PIK3C2G: variants seen among roughly 807,000 people sequenced by gnomAD.
The protein encoded by PIK3C2G is phosphatidylinositol 3-kinase C2 domain-containing subunit gamma.
PIK3C2G carries 168 observed loss-of-function variants against 181.1 expected under a neutral mutation model. That is an observed-to-expected ratio of 0.93 (90% CI 0.82 to 1.05). The LOEUF (loss-of-function observed/expected upper bound fraction) is 1.05. Among genes scored for constraint, PIK3C2G ranks in the 50% least tolerant of loss-of-function variants. PIK3C2G has a pLI of 0.00. For missense variants in PIK3C2G, 1,869 were observed against 1,732.8 expected (o/e 1.08, Z -1.40); for synonymous variants, 573 against 592.2 (o/e 0.97, Z 0.47).
chr12:18,607,253 A>C, intron 30 of PIK3C2G: 1 of 486,164 alleles, frequency 2.1e-6, no homozygotes, highest in South Asian at 1.5e-5. Flanking sequence ...AAACTACTAG[A>C]AAGAAATAGT....
At chr12:18,578,970 C>T (rs538060074) in intron 29 of PIK3C2G, among the ~76,000 whole-genome samples, 39 of 152,080 alleles carry the variant, frequency 2.6e-4, no homozygotes, top group Admixed American at 5.2e-4. Context: ...AGTCTTATGA[C>T]AACATAGGAA....
At chr12:18,491,345 C>A in intron 19 of PIK3C2G, 106 bp from the exon 20 acceptor site, 1 of 642,178 alleles carries the variant, frequency 1.6e-6, no homozygotes, top group Non-Finnish European at 2.7e-6. Flanking sequence ...AAGTGTGTAA[C>A]CCTGAATTCA....
At chr12:18,566,132 T>C (rs752676979) in intron 28 of PIK3C2G, among the ~76,000 whole-genome samples, 4 of 152,194 alleles carry the variant, frequency 2.6e-5, no homozygotes, top group Non-Finnish European at 4.4e-5. Flanking sequence ...TTTCCTGACA[T>C]TTCCAACAGT....
chr12:18,691,775 G>A, the PIK3C2G span, among the ~76,000 whole-genome samples: 3 of 152,092 alleles, frequency 2.0e-5, no homozygotes, highest in African/African-American at 7.2e-5. Context: ...AGTGTTGTAG[G>A]CAATTGCTGC....
intron 15 of PIK3C2G, among the ~76,000 whole-genome samples, chr12:18,393,695 A>G (rs1362417819): frequency 6.6e-6 from 1 of 152,128 alleles, no homozygotes; most frequent in African/African-American, 2.4e-5. Flanking sequence ...AATTATGACA[A>G]GAGAAAAATA....
chr12:18,455,559 G>A (rs1054590721), intron 18 of PIK3C2G, among the ~76,000 whole-genome samples: 1 of 152,066 alleles, frequency 6.6e-6, no homozygotes, highest in Non-Finnish European at 1.5e-5. Flanking sequence ...CATAAACCAA[G>A]TGGCTTATAA....
chr12:18,334,416 C>A (rs1430250737), intron 8 of PIK3C2G, among the ~76,000 whole-genome samples: 2 of 152,076 alleles, frequency 1.3e-5, no homozygotes, highest in African/African-American at 4.8e-5. Context: ...CCATCAAATA[C>A]TTGAAATGGT....
At position 18,289,997 on chromosome 12, in the gene PIK3C2G, C is replaced by G. The variant is rs549386886; in HGVS notation, c.762-858C>G. On this transcript the variant is annotated intron_variant, in intron 3 of 32. Coordinates refer to ENST00000538779, the MANE Select transcript of PIK3C2G (RefSeq NM_001288772.2). ...GCATAAAACACTGATCACAGGGAAT[C>G]AAGCTATGGTAACATATAATGACAA... Among the ~76,000 whole-genome samples, 26 of 152,250 alleles carry G rather than the reference C, an allele frequency of 1.7e-4. 1 individual carries two copies. The South Asian group carries it at 5.4e-3, about 32-fold the overall frequency.
chr12:18,488,728 T>A, intron 19 of PIK3C2G, 99 bp downstream of exon 19: 1 of 692,492 alleles, frequency 1.4e-6, no homozygotes, highest in Middle Eastern at 3.0e-4. Flanking sequence ...TTGATTACAC[T>A]TAAATAGAAG....
intron 1 of PIK3C2G, among the ~76,000 whole-genome samples, chr12:18,253,850 TA>T (rs1437223263): frequency 9.0e-6 from 1 of 111,342 alleles, no homozygotes; most frequent in African/African-American, 3.0e-5. Context: ...TGGCTTCAAT[TA>T]TTTTTTTTTT....
chr12:18,560,986 A>G (rs1945314618), intron 26 of PIK3C2G, among the ~76,000 whole-genome samples: 1 of 152,218 alleles, frequency 6.6e-6, no homozygotes, highest in African/African-American at 2.4e-5. Context: ...GAATAGCTTT[A>G]TGGCACTCAA....
chr12:18,511,198 C>T (rs561334362), intron 24 of PIK3C2G, among the ~76,000 whole-genome samples: 2 of 152,022 alleles, frequency 1.3e-5, no homozygotes, highest in South Asian at 2.1e-4. Flanking sequence ...ATTGTGTGTA[C>T]GTACTACATT....
intron 7 of PIK3C2G, among the ~76,000 whole-genome samples, chr12:18,322,324 G>C (rs1951148985): frequency 6.6e-6 from 1 of 151,166 alleles, no homozygotes; most frequent in African/African-American, 2.4e-5. Flanking sequence ...GGAGGTTGCA[G>C]TAAGCTGAGA....
intron 16 of PIK3C2G, among the ~76,000 whole-genome samples, chr12:18,411,959 T>TA (rs1263362333): frequency 1.3e-5 from 2 of 151,940 alleles, no homozygotes; most frequent in African/African-American, 2.4e-5. Context: ...GGAGAAAATC[T>TA]AAAAAAGGAA....
At chr12:18,272,170 A>T (rs12310760) in intron 1 of PIK3C2G, among the ~76,000 whole-genome samples, 3,201 of 152,204 alleles carry the variant, frequency 0.021, 62 homozygotes, top group Non-Finnish European at 0.037. Context: ...GTATTTTTTA[A>T]TTAATGTATT....
chr12:18,512,303 T>C (rs778185785), intron 24 of PIK3C2G, among the ~76,000 whole-genome samples: 6 of 151,996 alleles, frequency 3.9e-5, no homozygotes, highest in Non-Finnish European at 7.4e-5. Context: ...TTGGGATCTT[T>C]TGTGGTTCCA....
At chr12:18,314,498 ACTCT>A (rs1022261175) in intron 6 of PIK3C2G, 2 of 153,664 alleles carry the variant, frequency 1.3e-5, no homozygotes, top group African/African-American at 2.4e-5. Context: ...TCTTTCTATC[ACTCT>A]CTCTTTCTCT....
At chr12:18,614,203 G>T (rs1209378179) in intron 31 of PIK3C2G, among the ~76,000 whole-genome samples, 3 of 152,012 alleles carry the variant, frequency 2.0e-5, no homozygotes, top group Non-Finnish European at 4.4e-5. Context: ...TTCTTCCAGA[G>T]TTGGCCCATT....
intron 10 of PIK3C2G, among the ~76,000 whole-genome samples, chr12:18,344,025 A>C (rs545927002): frequency 1.3e-5 from 2 of 152,268 alleles, no homozygotes; most frequent in South Asian, 2.1e-4. Context: ...CTCTGCTTTC[A>C]GAGTCTGTGA....
Sources: gnomAD v4.1 joint callset for allele counts (sites outside exome capture counted in the v4.1 genomes callset) on GRCh38, gnomAD v4.1.1 for gene constraint, MANE v1.5 for transcripts, NCBI Gene and HGNC (gene_info 2026-07-23, HGNC 2026-07-21) for gene names.